Variants in LMNB1 observed in about 807,000 individuals in gnomAD.
LMNB1 encodes lamin B1, also known as lamin-B1.
In LMNB1, 23 loss-of-function variants were observed where a neutral mutation model predicts 67.1. The ratio of observed to expected loss-of-function variants is 0.34; its 90% CI spans 0.25 to 0.49. The LOEUF is 0.49. Ranked by LOEUF, LMNB1 falls within the 20% of genes least tolerant of loss-of-function variation. LMNB1 has a pLI of 0.99. For missense variants in LMNB1, 634 were observed against 746.5 expected (o/e 0.85, Z 1.76); for synonymous variants, 281 against 282.9 (o/e 0.99, Z 0.07).
At chr5:126,781,283 C>T (rs1193604099) in intron 1 of LMNB1, among the ~76,000 whole-genome samples, 2 of 151,948 alleles carry the variant, frequency 1.3e-5, no homozygotes, top group African/African-American at 4.8e-5. Context: ...TTTCCTTTTC[C>T]TTGGTTTCTT....
chr5:126,819,211 A>C, intron 6 of LMNB1, 69 bp downstream of exon 6: 1 of 1,013,028 alleles, frequency 9.9e-7, no homozygotes, highest in Non-Finnish European at 1.5e-6. Context: ...ATTGAAATAA[A>C]AATAAATAGC....
In LMNB1 at chr5:126,820,677, C is replaced by T. The variant is rs1196027185; in HGVS notation, c.1161-233C>T. ...AGTAGCTAGTATTACAGGCGCCCAC[C>T]ACCACGCCTGGCTAATTTTTGTATT... On this transcript the variant is annotated intron_variant, in intron 6 of 10. Transcript: ENST00000261366. Among the ~76,000 whole-genome samples, 3 of 151,954 alleles carry T rather than the reference C, an allele frequency of 2.0e-5. No homozygotes were observed. The South Asian group carries it at 6.2e-4, about 32-fold the overall frequency.
chr5:126,780,221 G>C (rs1298789398), intron 1 of LMNB1, among the ~76,000 whole-genome samples: 4 of 152,076 alleles, frequency 2.6e-5, no homozygotes, highest in Non-Finnish European at 5.9e-5. Context: ...TCAAATATCT[G>C]TTGCGTACCA....
rs537191396 is a variant in LMNB1, at chr5:126,783,844, A to G, written c.359+5977A>G. ...GACTTTTTTTTTATGCCATTAGTGT[A>G]AGTCTCTTTCATGTACAAATGTTGA... is the stretch of plus-strand genomic sequence containing the variant. On this transcript the variant is annotated intron_variant, in intron 1 of 10. Coordinates refer to ENST00000261366, the MANE Select transcript of LMNB1 (RefSeq NM_005573.4). Among the ~76,000 whole-genome samples the G allele has an allele frequency of 2.2e-4, 33 of 151,946 alleles. 1 individual carries two copies. In the South Asian group the frequency reaches 6.4e-3, roughly 30 times the overall value.
chr5:126,836,209 G>T lies in LMNB1; in HGVS notation c.1720-14G>T, dbSNP rs539816267. On this transcript the variant is annotated splice_polypyrimidine_tract_variant and intron_variant, in intron 10 of 10. Coordinates refer to ENST00000261366, the MANE Select transcript of LMNB1 (RefSeq NM_005573.4). Reference sequence around the variant, plus strand: ...TTCTTTAGTATTAATTTTTCCTTCTGTTTTCCTCATCAGGGAACCCCAAGA... The same window carrying T: ...TTCTTTAGTATTAATTTTTCCTTCTTTTTTCCTCATCAGGGAACCCCAAGA... 1 of 1,601,304 alleles carries T rather than the reference G, an allele frequency of 6.2e-7. No individual in the cohort carries two copies. Among genetic ancestry groups the T allele is most frequent in the East Asian group, 2.2e-5 (1 of 44,754 alleles).
At chr5:126,790,524 T>C (rs1171573443) in intron 1 of LMNB1, among the ~76,000 whole-genome samples, 1 of 152,154 alleles carries the variant, frequency 6.6e-6, no homozygotes, top group Non-Finnish European at 1.5e-5. Flanking sequence ...TTAGTTTTTT[T>C]TGCCTATCAC....
chr5:126,816,467 A>G (rs1330795998), intron 5 of LMNB1, among the ~76,000 whole-genome samples: 3 of 152,228 alleles, frequency 2.0e-5, no homozygotes, highest in African/African-American at 7.2e-5. Flanking sequence ...GCAAAGTACT[A>G]TAGACAGTTC....
chr5:126,794,272 A>G (rs964833577), intron 1 of LMNB1, among the ~76,000 whole-genome samples: 36 of 152,176 alleles, frequency 2.4e-4, no homozygotes, highest in African/African-American at 8.7e-4. Context: ...GGGGAAGTTC[A>G]TTAATTTTCC....
rs139373462 is a variant in LMNB1, at chr5:126,828,363, A to G, written c.1611+2256A>G. ...AAGTTAGAAACAATGTTATAGGAGG[A>G]TATTTGGAATGGAGCAGTAGGTTTA... On this transcript the variant is annotated intron_variant, in intron 9 of 10. Transcript: ENST00000261366. Among the ~76,000 whole-genome samples, 7 of 152,114 alleles carry G rather than the reference A, an allele frequency of 4.6e-5. No individual in the cohort carries two copies. The East Asian group carries it at 7.7e-4, about 17-fold the overall frequency.
At chr5:126,777,027 C>G (rs1392088917), upstream of LMNB1, 1 of 153,828 alleles carries the variant, frequency 6.5e-6, no homozygotes, top group Non-Finnish European at 1.4e-5. Flanking sequence ...GTGGAGGCGC[C>G]GGGGCGTGCC....
chr5:126,807,735 T>C (rs1751480846), intron 3 of LMNB1, among the ~76,000 whole-genome samples: 1 of 152,254 alleles, frequency 6.6e-6, no homozygotes, highest in African/African-American at 2.4e-5. Flanking sequence ...GTAAGGTCAC[T>C]GGTTCTATAT....
At chr5:126,785,543 ACTC>A (rs1478166587) in intron 1 of LMNB1, among the ~76,000 whole-genome samples, 1 of 117,568 alleles carries the variant, frequency 8.5e-6, no homozygotes, top group Non-Finnish European at 1.8e-5. Context: ...CTTGTCTTGA[ACTC>A]CTGAGCTCAG....
rs1288221732 is a variant in LMNB1, at chr5:126,832,759, A to C, written c.1677A>C (p.Glu559Asp). 1.9e-6 allele frequency: 3 copies of C among 1,612,840 alleles called. No individual in the cohort carries two copies. The East Asian group carries it at 6.7e-5, about 36-fold the overall frequency. ...TIPEEEEEEEEAAGVVVEEEL... is the reference protein window; with the variant it reads ...TIPEEEEEEEDAAGVVVEEEL... ...CTGAAGAAGAGGAGGAGGAGGAAGA[A>C]GCAGCTGGAGTGGTTGTTGAGGAAG... The change falls in exon 10 of 11, where the codon GAA becomes GAC. Residue 559 changes from glutamate to aspartate, a missense_variant. Transcript: ENST00000261366.
chr5:126,800,161 C>T (rs1444216216), intron 1 of LMNB1, among the ~76,000 whole-genome samples: 1 of 152,184 alleles, frequency 6.6e-6, no homozygotes, highest in African/African-American at 2.4e-5. Context: ...CCACCCTATA[C>T]CAGACATTGC....
chr5:126,800,113 C>T (rs1202042758), intron 1 of LMNB1, among the ~76,000 whole-genome samples: 1 of 152,100 alleles, frequency 6.6e-6, no homozygotes, highest in Non-Finnish European at 1.5e-5. Flanking sequence ...CTGTGGCTTG[C>T]TTCTTTCATT....
At chr5:126,795,130 C>CTTTTTT (rs55837872) in intron 1 of LMNB1, among the ~76,000 whole-genome samples, 62,850 of 128,290 alleles carry the variant, frequency 0.49, 16,268 homozygotes, top group South Asian at 0.6. Context: ...ATTCCTTTTC[C>CTTTTTT]TTTTTTTTTT....
chr5:126,793,941 A>AT (rs397942739), intron 1 of LMNB1, among the ~76,000 whole-genome samples: 32,074 of 149,292 alleles, frequency 0.21, 3,478 homozygotes, highest in East Asian at 0.3. Flanking sequence ...TTTTTGTGTA[A>AT]TTTTTTTTTT....
At chr5:126,797,886 G>A (rs999363578) in intron 1 of LMNB1, among the ~76,000 whole-genome samples, 2 of 151,944 alleles carry the variant, frequency 1.3e-5, no homozygotes, top group East Asian at 1.9e-4. Context: ...AACCAGCCGG[G>A]GCAACATAGG....
chr5:126,816,010 C>T (rs60107783), intron 5 of LMNB1, among the ~76,000 whole-genome samples: 8,401 of 152,162 alleles, frequency 0.055, 259 homozygotes, highest in Middle Eastern at 0.095. Flanking sequence ...CTCATCAACT[C>T]TCCTTTAGAT....
Sources: allele counts gnomAD v4.1 joint callset (sites outside exome capture counted in the v4.1 genomes callset), GRCh38; gene constraint gnomAD v4.1.1; transcripts MANE v1.5; gene names NCBI Gene and HGNC (gene_info 2026-07-23, HGNC 2026-07-21).